RTKN2: variants seen among roughly 807,000 people sequenced by gnomAD.
RTKN2 encodes rhotekin 2.
Under a neutral mutation model 71.5 loss-of-function variants are expected in RTKN2, and 69 were observed. That is an observed-to-expected ratio of 0.96 (90% CI 0.79 to 1.18). RTKN2 has a LOEUF of 1.18. Ranked by LOEUF, RTKN2 falls within the 50% of genes most tolerant of loss-of-function variation. The probability of loss-of-function intolerance (pLI) is 0.00; values close to 1 mark genes in which losing one functional copy is unlikely to be tolerated. For missense variants in RTKN2, 724 were observed against 719.7 expected, an observed-to-expected ratio of 1.01 and a Z score of -0.07; for synonymous variants, 236 against 236.5, an observed-to-expected ratio of 1.00 and a Z score of 0.02.
At chr10:62,249,324 A>G (rs1842534469) in intron 2 of RTKN2, among the ~76,000 whole-genome samples, 1 of 151,800 alleles carries the variant, frequency 6.6e-6, no homozygotes. Context: ...AAAGCCAAAT[A>G]AAGCATTTCA....
At chr10:62,184,442 G>C in intron 8 of RTKN2, 1 of 904,898 alleles carries the variant, frequency 1.1e-6, no homozygotes, top group Non-Finnish European at 1.7e-6. Flanking sequence ...GAGAAAACCA[G>C]AAAGTCACCA....
chr10:62,197,442 T>C lies in RTKN2; in HGVS notation c.*466A>G. 1 of 986,716 alleles carries C rather than the reference T, an allele frequency of 1.0e-6. No individual in the cohort carries two copies. Among genetic ancestry groups the C allele is most frequent in the Non-Finnish European group, 1.2e-6 (1 of 830,520 alleles). The allele number at this position is 986,716 out of a possible 1,614,324, so 61.1% of individuals were successfully genotyped here. ...GAACCATTAGATGAGAATTCCAGAATGCTAAGAAAATTTTCTTGGGTGGAT... is the reference window on the plus strand; with the variant it reads ...GAACCATTAGATGAGAATTCCAGAACGCTAAGAAAATTTTCTTGGGTGGAT... On this transcript the variant is annotated 3_prime_UTR_variant, in exon 12 of 12. Transcript: ENST00000373789.
chr10:62,242,717 C>A (rs1385591216), intron 3 of RTKN2, among the ~76,000 whole-genome samples: 1 of 151,990 alleles, frequency 6.6e-6, no homozygotes, highest in African/African-American at 2.4e-5. Context: ...ACCACCCCTG[C>A]CCCCGGGGTT....
chr10:62,229,550 C>T (rs1015072968), intron 6 of RTKN2, among the ~76,000 whole-genome samples: 2 of 152,170 alleles, frequency 1.3e-5, no homozygotes, highest in Non-Finnish European at 2.9e-5. Context: ...AGGACTGACA[C>T]TGTAATTTAT....
intron 5 of RTKN2, 51 bp from the exon 6 acceptor site, chr10:62,236,314 A>AAAG: frequency 8.7e-7 from 1 of 1,149,410 alleles, no homozygotes; most frequent in Non-Finnish European, 1.3e-6. Flanking sequence ...GTAGAAAATA[A>AAAG]AATTATACCA....
chr10:62,247,922 T>G (rs1388467256), intron 2 of RTKN2, among the ~76,000 whole-genome samples: 1 of 152,080 alleles, frequency 6.6e-6, no homozygotes, highest in African/African-American at 2.4e-5. Context: ...AACTTAAGTA[T>G]TATGGAATAG....
intron 9 of RTKN2, among the ~76,000 whole-genome samples, chr10:62,213,431 A>C (rs935139127): frequency 1.3e-5 from 2 of 152,142 alleles, no homozygotes; most frequent in African/African-American, 4.8e-5. Context: ...AAGCCTCTAG[A>C]CCTCATTTAC....
intron 2 of RTKN2, among the ~76,000 whole-genome samples, chr10:62,261,827 G>C (rs4246940): frequency 0.73 from 111,361 of 151,942 alleles, 41,065 homozygotes; most frequent in East Asian, 0.9. Context: ...ATGCTATGCT[G>C]AGCCCAACAG....
intron 10 of RTKN2, among the ~76,000 whole-genome samples, chr10:62,204,208 T>C (rs545277742): frequency 2.0e-5 from 3 of 152,320 alleles, no homozygotes; most frequent in African/African-American, 4.8e-5. Context: ...GTTTGACTTA[T>C]TGTCAGTAAA....
chr10:62,223,638 T>C (rs756115387), intron 6 of RTKN2, among the ~76,000 whole-genome samples: 2 of 152,132 alleles, frequency 1.3e-5, no homozygotes, highest in African/African-American at 2.4e-5. Context: ...CAGTTCACAC[T>C]CATTAAGATT....
At chr10:62,259,834 G>A (rs942173259) in intron 2 of RTKN2, among the ~76,000 whole-genome samples, 1 of 152,130 alleles carries the variant, frequency 6.6e-6, no homozygotes, top group Non-Finnish European at 1.5e-5. Context: ...TTACAGGTGT[G>A]AACCACTTCA....
intron 7 of RTKN2, among the ~76,000 whole-genome samples, chr10:62,221,882 A>G (rs943598882): frequency 1.3e-5 from 2 of 152,194 alleles, no homozygotes; most frequent in Non-Finnish European, 2.9e-5. Flanking sequence ...CAGAAATTCA[A>G]TAGATATAAG....
At chr10:62,217,390 A>G in intron 8 of RTKN2, 141 bp from the exon 9 acceptor site, 3 of 631,170 alleles carry the variant, frequency 4.8e-6, no homozygotes, top group Non-Finnish European at 7.4e-6. Flanking sequence ...TTTGATATAC[A>G]AAAGGTTAAT....
rs932240198 is a variant in RTKN2 at position 62,193,633 on chromosome 10, C to T, written c.*4275G>A. On this transcript the variant is annotated 3_prime_UTR_variant, in exon 12 of 12. Transcript: ENST00000373789. ...CTCATTTCTCTCCCCCACTCTGAGG[C>T]GCTCTGCAGGAATAAAGTACTGAGG... The T allele has an allele frequency of 9.1e-6, 9 of 985,148 alleles. No individual in the cohort carries two copies. The highest frequency in any genetic ancestry group is 2.3e-4 in the East Asian group (2 of 8,830). The allele number at this position is 985,148 out of a possible 1,614,324, so 61.0% of individuals were successfully genotyped here.
chr10:62,218,644 C>A (rs555824489), intron 7 of RTKN2, among the ~76,000 whole-genome samples: 33 of 152,278 alleles, frequency 2.2e-4, no homozygotes, highest in Admixed American at 1.7e-3. Context: ...TAAAAACATT[C>A]TAATAAAGTA....
intron 9 of RTKN2, among the ~76,000 whole-genome samples, chr10:62,216,530 A>G (rs1027205025): frequency 5.9e-5 from 9 of 152,214 alleles, no homozygotes; most frequent in Admixed American, 5.2e-4. Context: ...AGGATTCTAG[A>G]TGAAAAAATT....
At position 62,193,859 on chromosome 10, in the gene RTKN2, C is replaced by T; in HGVS notation, c.*4049G>A. On this transcript the variant is annotated 3_prime_UTR_variant, in exon 12 of 12. Transcript: ENST00000373789. ...TTTAATAATGTTAATTATACCATGG[C>T]TTATCAGAATGTTAGTCTTATAATA... 2 of 979,028 alleles carry T rather than the reference C, an allele frequency of 2.0e-6. No homozygotes were observed. Among genetic ancestry groups the T allele is most frequent in the Non-Finnish European group, 2.4e-6 (2 of 824,162 alleles). 60.6% of individuals were successfully genotyped at this position (979,028 alleles called of 1,614,324 possible).
At chr10:62,203,197 CA>C (rs1841480722) in intron 10 of RTKN2, among the ~76,000 whole-genome samples, 1 of 151,970 alleles carries the variant, frequency 6.6e-6, no homozygotes, top group Non-Finnish European at 1.5e-5. Context: ...ATAAAAATAC[CA>C]AAATCATTTC....
intron 9 of RTKN2, among the ~76,000 whole-genome samples, chr10:62,213,407 A>T (rs1353499071): frequency 6.6e-6 from 1 of 152,190 alleles, no homozygotes; most frequent in African/African-American, 2.4e-5. Flanking sequence ...AAAATATTTT[A>T]CATAAATACA....
Sources: gnomAD v4.1 joint callset for allele counts (sites outside exome capture counted in the v4.1 genomes callset) on GRCh38, gnomAD v4.1.1 for gene constraint, MANE v1.5 for transcripts, NCBI Gene and HGNC (gene_info 2026-07-23, HGNC 2026-07-21) for gene names.